CDKL2: variants seen among roughly 807,000 people sequenced by gnomAD.
CDKL2 encodes cyclin dependent kinase like 2, also known as cyclin-dependent kinase-like 2.
In CDKL2, 64 loss-of-function variants were observed where a neutral mutation model predicts 63.9. That is an observed-to-expected ratio of 1.00 (90% CI 0.82 to 1.23). The LOEUF is 1.23. Ranked by LOEUF, CDKL2 falls within the 50% of genes most tolerant of loss-of-function variation. The probability of loss-of-function intolerance (pLI) is 0.00; values close to 1 mark genes in which losing one functional copy is unlikely to be tolerated. For synonymous variants in CDKL2, 211 were observed against 229.2 expected (o/e 0.92, Z 0.72); for missense variants, 656 against 668.0 (o/e 0.98, Z 0.20).
intron 2 of CDKL2, among the ~76,000 whole-genome samples, chr4:75,618,108 A>AG (rs1730006065): frequency 6.6e-6 from 1 of 150,700 alleles, no homozygotes; most frequent in African/African-American, 2.4e-5. Context: ...CTCAAAAAAA[A>AG]AAAAAAAAAA....
intron 6 of CDKL2, among the ~76,000 whole-genome samples, chr4:75,603,573 A>G (rs1000198732): frequency 3.3e-5 from 5 of 151,394 alleles, no homozygotes; most frequent in Non-Finnish European, 7.4e-5. Flanking sequence ...TACTAAAAAT[A>G]CAAAAAATTA....
At chr4:75,598,054 A>C in intron 8 of CDKL2, 23 bp downstream of exon 8, 1 of 1,425,406 alleles carries the variant, frequency 7.0e-7, no homozygotes, top group African/African-American at 1.5e-5. Flanking sequence ...ATTAAATCTA[A>C]AATGTGAAAC....
intron 2 of CDKL2, among the ~76,000 whole-genome samples, chr4:75,624,863 A>C (rs1197005634): frequency 6.6e-6 from 1 of 152,204 alleles, no homozygotes; most frequent in Non-Finnish European, 1.5e-5. Context: ...TCTCAAAAAA[A>C]ACCAACGAAA....
At chr4:75,593,877 AAC>A (rs143369611) in intron 10 of CDKL2, among the ~76,000 whole-genome samples, 5 of 151,832 alleles carry the variant, frequency 3.3e-5, no homozygotes, top group Non-Finnish European at 7.4e-5. Flanking sequence ...CACACACACA[AAC>A]ACACACACAC....
At chr4:75,605,964 A>T (rs1416108041) in intron 4 of CDKL2, among the ~76,000 whole-genome samples, 1 of 152,180 alleles carries the variant, frequency 6.6e-6, no homozygotes, top group Non-Finnish European at 1.5e-5. Flanking sequence ...CTTTCCAGAA[A>T]CTTCAATCAT....
In CDKL2 at chr4:75,614,255, A is replaced by C. The variant is rs752670254; in HGVS notation, c.363T>G (p.Asn121Lys). The C allele has an allele frequency of 6.3e-7, 1 of 1,580,278 alleles. No homozygotes were observed. Among genetic ancestry groups the C allele is most frequent in the South Asian group, 1.1e-5 (1 of 87,752 alleles). Residue 121 changes from asparagine (N) to lysine (K), a missense_variant and splice_region_variant, in exon 3 of 14, where the codon AAT becomes AAG. By Grantham distance (94) the Asn-to-Lys change is moderately conservative (BLOSUM62 0). Coordinates refer to ENST00000307465, the MANE Select transcript of CDKL2 (RefSeq NM_001330724.2). ...INGIGFCHSH[N>K]IIHRDIKPEN... ...CAAATTATTTAAACCCAATACTTAC[A>C]TTGTGACTGTGACAAAATCCAATTC...
chr4:75,602,874 C>A (rs114197822), intron 6 of CDKL2, among the ~76,000 whole-genome samples: 1,949 of 151,402 alleles, frequency 0.013, 45 homozygotes, highest in African/African-American at 0.045. Flanking sequence ...TTAAACAAGG[C>A]GTGTATTTTA....
At chr4:75,618,239 CTTTTTTTTTTTTTTTTTTTT>C (rs56002333) in intron 2 of CDKL2, among the ~76,000 whole-genome samples, 6 of 52,946 alleles carry the variant, frequency 1.1e-4, no homozygotes, top group Non-Finnish European at 1.9e-4. Context: ...ATTGAAAATT[CTTTTTTTTTTTTTTTTTTTT>C]TTTTTTTTTG....
rs67518748 is a variant in CDKL2, at chr4:75,600,464, ATT to A, written c.796-97_796-96del. 1.1e-3 allele frequency: 741 copies of A among 660,584 alleles called. 1 individual carries two copies. Among genetic ancestry groups the A allele is most frequent in the East Asian group, 5.2e-3 (162 of 31,000 alleles). The allele number at this position is 660,584 out of a possible 1,614,324, so 40.9% of individuals were successfully genotyped here. A position where few individuals can be genotyped will look rare whatever the true frequency, so the allele number is the denominator to read the frequency against. On this transcript the variant is annotated intron_variant, in intron 6 of 13. Coordinates refer to ENST00000307465, the MANE Select transcript of CDKL2 (RefSeq NM_001330724.2). ...AAAAAAATCCTCTTTATAGTCAACG[ATT>A]TTTTTTTTTAAGACAGGGTCTCACT...
intron 3 of CDKL2, among the ~76,000 whole-genome samples, chr4:75,610,067 T>G (rs1729619144): frequency 6.6e-6 from 1 of 151,886 alleles, no homozygotes; most frequent in Non-Finnish European, 1.5e-5. Context: ...CCAGGCGTGG[T>G]GGCAGGCGCC....
chr4:75,601,919 G>A (rs1407884388), intron 6 of CDKL2, among the ~76,000 whole-genome samples: 1 of 152,122 alleles, frequency 6.6e-6, no homozygotes, highest in Non-Finnish European at 1.5e-5. Context: ...TGTTTTAGAG[G>A]TACCTATCTT....
chr4:75,611,618 A>T (rs1034926940), intron 3 of CDKL2, among the ~76,000 whole-genome samples: 6 of 151,256 alleles, frequency 4.0e-5, no homozygotes, highest in Non-Finnish European at 8.8e-5. Flanking sequence ...GTTTAAAGAG[A>T]TATGTAAATG....
intron 2 of CDKL2, 119 bp from the exon 3 acceptor site, chr4:75,614,568 T>C: frequency 3.2e-6 from 2 of 620,252 alleles, no homozygotes; most frequent in Non-Finnish European, 5.4e-6. Flanking sequence ...GAAAAATATA[T>C]AAATAAAATG....
In CDKL2 at chr4:75,603,813, T is replaced by G. The variant is rs1412384309; in HGVS notation, c.795+4A>C. On this transcript the variant is annotated splice_donor_region_variant and intron_variant, in intron 6 of 13. Transcript: ENST00000307465. ...CATAAAGTGTAAACAATAAGTATGA[T>G]TACCTTTGCTAAATCTATCACCACT... 6.3e-7 allele frequency: 1 copy of G among 1,596,200 alleles called. No homozygotes were observed. The highest frequency in any genetic ancestry group is 8.5e-7 in the Non-Finnish European group (1 of 1,175,010).
chr4:75,626,318 T>A (rs1199623376), intron 1 of CDKL2, among the ~76,000 whole-genome samples: 3 of 152,184 alleles, frequency 2.0e-5, no homozygotes, highest in African/African-American at 7.2e-5. Context: ...TATTTTTAAT[T>A]CCAATAAAGC....
chr4:75,582,379 G>A (rs1459395574), intron 12 of CDKL2, among the ~76,000 whole-genome samples: 1 of 152,164 alleles, frequency 6.6e-6, no homozygotes, highest in Non-Finnish European at 1.5e-5. Flanking sequence ...AAAAAGCACA[G>A]TATCTGAAAT....
chr4:75,609,801 G>A (rs1424420775), intron 3 of CDKL2, among the ~76,000 whole-genome samples: 2 of 151,766 alleles, frequency 1.3e-5, no homozygotes, highest in East Asian at 3.9e-4. Context: ...CATCCTAAAC[G>A]GCAATCTGCC....
intron 1 of CDKL2, among the ~76,000 whole-genome samples, chr4:75,628,754 A>G (rs928363644): frequency 5.3e-5 from 8 of 152,198 alleles, no homozygotes; most frequent in African/African-American, 1.9e-4. Flanking sequence ...CAAAGACAAA[A>G]CAAATATTCT....
intron 12 of CDKL2, among the ~76,000 whole-genome samples, chr4:75,584,658 T>C (rs559192380): frequency 6.6e-6 from 1 of 152,288 alleles, no homozygotes; most frequent in Admixed American, 6.5e-5. Flanking sequence ...GCCCTAAATA[T>C]ACAGTATTGT....
Sources: gnomAD v4.1 joint callset for allele counts (sites outside exome capture counted in the v4.1 genomes callset) on GRCh38, gnomAD v4.1.1 for gene constraint, MANE v1.5 for transcripts, NCBI Gene and HGNC (gene_info 2026-07-23, HGNC 2026-07-21) for gene names.